Variants in STARD9 observed in about 807,000 individuals in gnomAD.
The protein encoded by STARD9 is stAR-related lipid transfer protein 9.
Under a neutral mutation model 399.8 loss-of-function variants are expected in STARD9, and 346 were observed. That is an observed-to-expected ratio of 0.87 (90% CI 0.79 to 0.95). STARD9 has a LOEUF of 0.95. STARD9 is among the 40% of genes least tolerant of loss of function. The pLI is 0.00. For synonymous variants in STARD9, 2,203 were observed against 2,143.5 expected, an observed-to-expected ratio of 1.03 and a Z score of -0.77; for missense variants, 5,832 against 5,667.5, an observed-to-expected ratio of 1.03 and a Z score of -0.93.
chr15:42,709,660 G>A (rs1300642275), intron 26 of STARD9, among the ~76,000 whole-genome samples: 1 of 152,132 alleles, frequency 6.6e-6, no homozygotes, highest in African/African-American at 2.4e-5. Context: ...ACTCCAGCCT[G>A]GGTGACAGAG....
intron 9 of STARD9, among the ~76,000 whole-genome samples, chr15:42,653,719 C>A (rs762517984): frequency 1.1e-4 from 16 of 152,118 alleles, no homozygotes; most frequent in Non-Finnish European, 1.9e-4. Context: ...TAAATGAAAT[C>A]TTCTAGGCTG....
intron 26 of STARD9, among the ~76,000 whole-genome samples, chr15:42,707,993 G>GA (rs71307484): frequency 0.43 from 56,080 of 130,112 alleles, 16,167 homozygotes; most frequent in African/African-American, 0.83. Flanking sequence ...GGGCAACATA[G>GA]AAAAAAAAAA....
chr15:42,711,741 G>T (rs73410931), intron 26 of STARD9, among the ~76,000 whole-genome samples: 3 of 151,778 alleles, frequency 2.0e-5, no homozygotes, highest in Admixed American at 6.6e-5. Context: ...GGACATTTAG[G>T]TTGTTTTGTG....
intron 26 of STARD9, among the ~76,000 whole-genome samples, chr15:42,697,473 A>G (rs1009186043): frequency 6.6e-6 from 1 of 152,122 alleles, no homozygotes; most frequent in Non-Finnish European, 1.5e-5. Context: ...TGTTTTATAT[A>G]GATAATATAT....
chr15:42,706,734 G>A (rs531279323), intron 26 of STARD9, among the ~76,000 whole-genome samples: 2 of 152,236 alleles, frequency 1.3e-5, no homozygotes, highest in African/African-American at 4.8e-5. Context: ...ACAGGCGTGA[G>A]CCACCACACC....
Position 42,716,708 on chromosome 15 carries a change from T to A in STARD9, c.13316T>A (p.Val4439Glu). The A allele has an allele frequency of 6.5e-7, 1 of 1,536,958 alleles. No homozygotes were observed. Among genetic ancestry groups the A allele is most frequent in the Non-Finnish European group, 8.7e-7 (1 of 1,146,650 alleles). ...GHTNLPDSRD[V>E]WIGDERGGHS... ...ACAAACTTGCCTGATTCCAGGGATG[T>A]ATGGATAGGGGATGAGCGAGGAGGC... The change falls in exon 27 of 33, where the codon GTA becomes GAA. Residue 4439 changes from valine (V) to glutamate (E), a missense_variant. Coordinates refer to ENST00000290607, the MANE Select transcript of STARD9 (RefSeq NM_020759.3).
chr15:42,650,180 G>A (rs1391288875), intron 7 of STARD9, among the ~76,000 whole-genome samples: 2 of 152,100 alleles, frequency 1.3e-5, no homozygotes, highest in Non-Finnish European at 2.9e-5. Flanking sequence ...TTACTTTTAA[G>A]TCGGCCTGGT....
intron 9 of STARD9, among the ~76,000 whole-genome samples, 173 bp from the exon 10 acceptor site, chr15:42,660,985 A>G (rs552227418): frequency 4.7e-5 from 7 of 149,388 alleles, no homozygotes; most frequent in East Asian, 1.9e-4. Context: ...CCAGGGCCCT[A>G]TTGATTTTAT....
In STARD9 at chr15:42,685,239, G is replaced by A. The variant is rs777140458; in HGVS notation, c.3661G>A (p.Glu1221Lys). Residue 1221 changes from glutamate to lysine, a missense_variant, in exon 23 of 33, where the codon GAA becomes AAA. Glu to Lys is a moderately conservative substitution (Grantham distance 56, BLOSUM62 1). Transcript: ENST00000290607. ...AGAACTGGGGGAAGATCAGCAAGAA[G>A]AACCTTTCCCTGGTTCAGCTGACGA... ...EEELGEDQQE[E>K]PFPGSADEIP... The A allele has an allele frequency of 2.0e-6, 3 of 1,537,288 alleles. No individual in the cohort carries two copies. The highest frequency in any genetic ancestry group is 3.9e-5 in the Admixed American group (2 of 50,980).
At chr15:42,712,519 C>A (rs948843999) in intron 26 of STARD9, among the ~76,000 whole-genome samples, 1 of 152,066 alleles carries the variant, frequency 6.6e-6, no homozygotes, top group African/African-American at 2.4e-5. Context: ...GGTTGAATTT[C>A]ATTCTTTTCC....
Position 42,689,004 on chromosome 15 carries a change from G to C in STARD9, c.7426G>C (p.Val2476Leu). Reference sequence around the variant, plus strand: ...GGTGGCTGTACAAAAAGAAATAAGAGTCAGTTCACTGAACAAGGTCTCTAG... The same window carrying C: ...GGTGGCTGTACAAAAAGAAATAAGACTCAGTTCACTGAACAAGGTCTCTAG... ...AEVAVQKEIRVSSLNKVSSQP... is the reference protein window; with the variant it reads ...AEVAVQKEIRLSSLNKVSSQP... The change falls in exon 23 of 33, where the codon GTC (valine) becomes CTC (leucine). Residue 2476 changes from valine (V) to leucine (L), a missense_variant. Transcript: ENST00000290607. The C allele has an allele frequency of 6.5e-7, 1 of 1,537,338 alleles. No individual in the cohort carries two copies. Among genetic ancestry groups the C allele is most frequent in the Non-Finnish European group, 8.7e-7 (1 of 1,146,922 alleles).
intron 9 of STARD9, among the ~76,000 whole-genome samples, chr15:42,659,373 G>A (rs1341027186): frequency 6.6e-6 from 1 of 152,148 alleles, no homozygotes; most frequent in African/African-American, 2.4e-5. Flanking sequence ...AGAACCAAAT[G>A]AGATACCACT....
intron 3 of STARD9, among the ~76,000 whole-genome samples, chr15:42,612,970 C>T (rs185487313): frequency 8.0e-6 from 1 of 124,760 alleles, no homozygotes; most frequent in African/African-American, 3.1e-5. Context: ...GGCAACAGAG[C>T]GAGACTATGT....
rs1186844630 is a variant in STARD9 at position 42,690,980 on chromosome 15, A to C, written c.9402A>C (p.Pro3134=). The C allele has an allele frequency of 1.3e-5, 20 of 1,537,046 alleles. No individual in the cohort carries two copies. The highest frequency in any genetic ancestry group is 1.7e-5 in the Non-Finnish European group (20 of 1,146,908). The change falls in exon 23 of 33, where the codon CCA becomes CCC. Residue 3134 remains proline (P), a synonymous_variant. Transcript: ENST00000290607. ...NAQVCQTNPE[P]PATTQGPHTL... ...AGGTGTGTCAAACCAATCCAGAACC[A>C]CCTGCAACAACTCAGGGACCACACA...
At chr15:42,716,567 C>A in intron 26 of STARD9, 110 bp from the exon 27 acceptor site, 2 of 701,042 alleles carry the variant, frequency 2.9e-6, no homozygotes, top group Non-Finnish European at 2.5e-6. Flanking sequence ...TCTGGGAAGA[C>A]CTTTGCAGTT....
intron 26 of STARD9, among the ~76,000 whole-genome samples, chr15:42,706,229 T>C (rs1179290957): frequency 2.0e-5 from 3 of 152,176 alleles, no homozygotes; most frequent in African/African-American, 7.2e-5. Flanking sequence ...GTTTTTAAAG[T>C]TTTCTTCATA....
intron 3 of STARD9, among the ~76,000 whole-genome samples, chr15:42,596,509 G>A (rs1413107334): frequency 6.6e-6 from 1 of 152,166 alleles, no homozygotes; most frequent in African/African-American, 2.4e-5. Flanking sequence ...TTGAGCAAAA[G>A]ATCTGTATGT....
In STARD9 at chr15:42,691,104, C is replaced by T. The variant is rs893542742; in HGVS notation, c.9526C>T (p.Gln3176Ter). ...NTTRCFLEKP[Q>*]FSTELRDHNR... ...CACTAGATGTTTTTTGGAAAAGCCA[C>T]AATTTTCCACTGAGTTGAGGGATCA... Residue 3176 changes from glutamine (Q) to a stop codon, truncating the protein, a stop_gained, in exon 23 of 33, where the codon CAA becomes TAA. Transcript: ENST00000290607. LOFTEE classifies it high-confidence loss of function. 1.3e-6 allele frequency: 2 copies of T among 1,537,216 alleles called. No homozygotes were observed. Among genetic ancestry groups the T allele is most frequent in the South Asian group, 1.2e-5 (1 of 84,056 alleles).
chr15:42,605,668 G>A (rs897248402), intron 3 of STARD9, among the ~76,000 whole-genome samples: 9 of 152,160 alleles, frequency 5.9e-5, no homozygotes, highest in Admixed American at 2.0e-4. Context: ...CTCTAGTTAG[G>A]CAGTTAGAAA....
Sources: allele counts gnomAD v4.1 joint callset (sites outside exome capture counted in the v4.1 genomes callset), GRCh38; gene constraint gnomAD v4.1.1; transcripts MANE v1.5; gene names NCBI Gene and HGNC (gene_info 2026-07-23, HGNC 2026-07-21).